The following CPE variants were observed in gnomAD, a reference collection of about 807,000 sequenced individuals.
CPE encodes carboxypeptidase E.
A neutral mutation model predicts 53.5 loss-of-function variants in CPE; 17 were observed. That is an observed-to-expected ratio of 0.32 (90% CI 0.22 to 0.48). CPE has a LOEUF of 0.48. Ranked by LOEUF, CPE falls within the 20% of genes least tolerant of loss-of-function variation. The pLI, the probability that CPE is intolerant of heterozygous loss-of-function variation, is 0.99. For synonymous variants in CPE, 226 were observed against 228.8 expected (o/e 0.99, Z 0.11); for missense variants, 524 against 614.7 (o/e 0.85, Z 1.56).
intron 3 of CPE, among the ~76,000 whole-genome samples, chr4:165,469,861 A>G (rs1732171418): frequency 6.6e-6 from 1 of 152,250 alleles, no homozygotes; most frequent in African/African-American, 2.4e-5. Flanking sequence ...GTAAGCAGAC[A>G]GGAATCCAGA....
intron 1 of CPE, among the ~76,000 whole-genome samples, chr4:165,433,514 C>T (rs545699031): frequency 1.9e-4 from 29 of 152,156 alleles, no homozygotes; most frequent in African/African-American, 4.8e-4. Flanking sequence ...ATTCATTCTC[C>T]GCACCAGGTG....
intron 1 of CPE, among the ~76,000 whole-genome samples, chr4:165,442,956 C>A (rs1731641128): frequency 6.6e-6 from 1 of 152,166 alleles, no homozygotes. Flanking sequence ...CTTTAGATTT[C>A]ATGAAAGTAA....
At chr4:165,405,887 C>T in intron 1 of CPE, 1 of 736,762 alleles carries the variant, frequency 1.4e-6, no homozygotes. Flanking sequence ...TCTTTTGTTG[C>T]TATTTTATAT....
Position 165,484,427 on chromosome 4 carries a change from G to A in CPE, c.796G>A (p.Ala266Thr), listed in dbSNP as rs759737700. The A allele has an allele frequency of 2.5e-6, 4 of 1,613,500 alleles. No homozygotes were observed. Among genetic ancestry groups the A allele is most frequent in the Admixed American group, 1.7e-5 (1 of 59,972 alleles). Residue 266 changes from alanine (A) to threonine (T), a missense_variant, in exon 5 of 9, where the codon GCT (alanine) becomes ACT (threonine). Transcript: ENST00000402744. ...CTTGTGGATTTGTTTTCTAGGTAGT[G>A]CTCACGAATACAGCTCCTCCCCAGA... is the stretch of plus-strand genomic sequence containing the variant. ...YPYDETRSGSAHEYSSSPDDA... is the reference protein window; with the variant it reads ...YPYDETRSGSTHEYSSSPDDA...
At chr4:165,436,354 C>G (rs1188614786) in intron 1 of CPE, among the ~76,000 whole-genome samples, 1 of 152,116 alleles carries the variant, frequency 6.6e-6, no homozygotes, top group Non-Finnish European at 1.5e-5. Context: ...CATATAATCT[C>G]ATGGCTTTAG....
rs920590300 is a variant in CPE at position 165,497,982 on chromosome 4, A to C, written c.*372A>C. On this transcript the variant is annotated 3_prime_UTR_variant, in exon 9 of 9. Transcript: ENST00000402744. ...TTTTACTGTAATTGGTGACAATGTC[A>C]CATAATGAATGCTATTGAAAAGGTT... 1 of 153,440 alleles carries C rather than the reference A, an allele frequency of 6.5e-6. No homozygotes were observed. The highest frequency in any genetic ancestry group is 1.5e-5 in the Non-Finnish European group (1 of 68,924). The allele number at this position is 153,440 out of a possible 1,614,324, so 9.5% of individuals were successfully genotyped here. A position where few individuals can be genotyped will look rare whatever the true frequency, so the allele number is the denominator to read the frequency against.
chr4:165,438,880 C>A (rs905317660), intron 1 of CPE, among the ~76,000 whole-genome samples: 2 of 152,058 alleles, frequency 1.3e-5, no homozygotes, highest in Non-Finnish European at 2.9e-5. Flanking sequence ...GCACGGATGG[C>A]AAAAATCAGA....
intron 3 of CPE, among the ~76,000 whole-genome samples, chr4:165,482,007 C>G (rs1167440914): frequency 1.3e-5 from 2 of 152,156 alleles, no homozygotes; most frequent in Non-Finnish European, 1.5e-5. Context: ...AAAAATAAAA[C>G]TTTGAAAGAA....
chr4:165,399,671 C>T (rs1220149208), intron 1 of CPE, among the ~76,000 whole-genome samples: 1 of 152,154 alleles, frequency 6.6e-6, no homozygotes, highest in Non-Finnish European at 1.5e-5. Flanking sequence ...CGTGCCTGGC[C>T]ACATATCCTC....
chr4:165,391,328 G>C (rs1362037746), intron 1 of CPE, among the ~76,000 whole-genome samples: 1 of 151,982 alleles, frequency 6.6e-6, no homozygotes, highest in African/African-American at 2.4e-5. Flanking sequence ...GCATTCATGG[G>C]CTCCATAAAG....
chr4:165,405,794 C>G (rs1337213384), intron 1 of CPE: 1 of 827,888 alleles, frequency 1.2e-6, no homozygotes, highest in Non-Finnish European at 2.1e-6. Context: ...GGCACACCCA[C>G]CATTTTGGGC....
At chr4:165,382,517 A>C (rs1432367514) in intron 1 of CPE, among the ~76,000 whole-genome samples, 2 of 152,150 alleles carry the variant, frequency 1.3e-5, no homozygotes, top group African/African-American at 2.4e-5. Flanking sequence ...CCAGCAAGAG[A>C]GGTGTCAGAT....
chr4:165,434,626 T>C (rs1255888204), intron 1 of CPE, among the ~76,000 whole-genome samples: 5 of 152,166 alleles, frequency 3.3e-5, no homozygotes, highest in Non-Finnish European at 1.5e-5. Flanking sequence ...ACCTGGCACA[T>C]TGAGCACTGT....
intron 1 of CPE, among the ~76,000 whole-genome samples, chr4:165,395,998 A>G (rs748454620): frequency 6.6e-6 from 1 of 152,172 alleles, no homozygotes; most frequent in Non-Finnish European, 1.5e-5. Context: ...TTTCTCTCAC[A>G]AAAAGGAGTT....
At chr4:165,433,143 C>T (rs1419633310) in intron 1 of CPE, among the ~76,000 whole-genome samples, 1 of 152,072 alleles carries the variant, frequency 6.6e-6, no homozygotes. Context: ...GAAGAAAGAA[C>T]AAAAGTGGAT....
rs551000061 is a variant in CPE, at chr4:165,383,279, T to C, written c.307+3751T>C. Among the ~76,000 whole-genome samples the C allele has an allele frequency of 3.9e-5, 6 of 152,294 alleles. No homozygotes were observed. The South Asian group carries it at 1.2e-3, about 32-fold the overall frequency. The stretch of plus-strand genomic sequence containing the variant: ...TTTTCCCGTTTTTCTTTCCTTTTAC[T>C]TAGATTTTATACTTTTTTCTTATTT... On this transcript the variant is annotated intron_variant, in intron 1 of 8. Coordinates refer to ENST00000402744, the MANE Select transcript of CPE (RefSeq NM_001873.4).
rs764503185 is a variant in CPE, at chr4:165,497,644, A to G, written c.*34A>G. 3.1e-6 allele frequency: 4 copies of G among 1,274,868 alleles called. No individual in the cohort carries two copies. Among genetic ancestry groups the G allele is most frequent in the East Asian group, 2.5e-5 (1 of 39,288 alleles). The allele number at this position is 1,274,868 out of a possible 1,614,324, so 79.0% of individuals were successfully genotyped here. On this transcript the variant is annotated 3_prime_UTR_variant, in exon 9 of 9. Transcript: ENST00000402744. ...CTAGTTAGCTGCTTTAAATCTATCT[A>G]TATAATGTAGTATGATGTAATGTGG... is the stretch of plus-strand genomic sequence containing the variant.
chr4:165,472,954 CT>C (rs77974415), intron 3 of CPE, among the ~76,000 whole-genome samples: 26,423 of 152,100 alleles, frequency 0.17, 3,329 homozygotes, highest in African/African-American at 0.36. Flanking sequence ...AGGTTTGCAG[CT>C]TAGGACACTA....
At chr4:165,455,692 G>C (rs1731889875) in intron 1 of CPE, among the ~76,000 whole-genome samples, 1 of 148,800 alleles carries the variant, frequency 6.7e-6, no homozygotes, top group Admixed American at 6.7e-5. Flanking sequence ...TTGCACTGTT[G>C]CCCAGGATAG....
Sources: allele counts gnomAD v4.1 joint callset (sites outside exome capture counted in the v4.1 genomes callset), GRCh38; gene constraint gnomAD v4.1.1; transcripts MANE v1.5; gene names NCBI Gene and HGNC (gene_info 2026-07-23, HGNC 2026-07-21).